ANKRD45: variants seen among roughly 807,000 people sequenced by gnomAD.
ANKRD45 encodes the protein ankyrin repeat domain-containing protein 45.
Under a neutral mutation model 28.1 loss-of-function variants are expected in ANKRD45, and 21 were observed. The observed-to-expected ratio is 0.75, with a 90% CI of 0.53 to 1.08. ANKRD45 has a LOEUF of 1.08. Among genes scored for constraint, ANKRD45 ranks in the 50% least tolerant of loss-of-function variants. The probability of loss-of-function intolerance (pLI) is 0.00; values close to 1 mark genes in which losing one functional copy is unlikely to be tolerated. For missense variants in ANKRD45, 261 were observed against 308.7 expected, an observed-to-expected ratio of 0.85 and a Z score of 1.16; for synonymous variants, 86 against 103.9, an observed-to-expected ratio of 0.83 and a Z score of 1.05.
intron 2 of ANKRD45, among the ~76,000 whole-genome samples, chr1:173,649,149 G>T (rs1318677588): frequency 6.6e-6 from 1 of 152,080 alleles, no homozygotes; most frequent in African/African-American, 2.4e-5. Context: ...TATTTCCAAT[G>T]ATTAACTGTT....
intron 2 of ANKRD45, among the ~76,000 whole-genome samples, chr1:173,653,590 G>C (rs1183361892): frequency 6.6e-6 from 1 of 152,184 alleles, no homozygotes; most frequent in Non-Finnish European, 1.5e-5. Context: ...TCGGGGTGCA[G>C]CATTCTGCAG....
At chr1:173,684,123 G>C in the ANKRD45 span, among the ~76,000 whole-genome samples, 157 of 152,268 alleles carry the variant, frequency 1.0e-3, 2 homozygotes, top group Middle Eastern at 0.014. Context: ...GAATGAGTTA[G>C]GGTGGAGCAG....
intron 5 of ANKRD45, among the ~76,000 whole-genome samples, chr1:173,620,934 A>G (rs1193841596): frequency 6.6e-6 from 1 of 152,186 alleles, no homozygotes; most frequent in African/African-American, 2.4e-5. Flanking sequence ...AAATAAGAAA[A>G]GCAGAAGAAT....
intron 1 of ANKRD45, among the ~76,000 whole-genome samples, chr1:173,667,884 C>T (rs929535463): frequency 1.3e-5 from 2 of 152,194 alleles, no homozygotes; most frequent in Middle Eastern, 3.4e-3. Context: ...GGATAGACTG[C>T]AGAAGCAGAC....
chr1:173,656,914 A>G (rs1455698093), intron 2 of ANKRD45, among the ~76,000 whole-genome samples: 1 of 150,800 alleles, frequency 6.6e-6, no homozygotes, highest in Non-Finnish European at 1.5e-5. Flanking sequence ...AGCCAGATGC[A>G]GTGGCTCATG....
At chr1:173,694,317 C>T in the ANKRD45 span, among the ~76,000 whole-genome samples, 1 of 151,992 alleles carries the variant, frequency 6.6e-6, no homozygotes, top group African/African-American at 2.4e-5. Flanking sequence ...GTGCATGCCA[C>T]GGACACCAAG....
chr1:173,641,743 C>A (rs984079076), intron 3 of ANKRD45, among the ~76,000 whole-genome samples: 6 of 152,140 alleles, frequency 3.9e-5, no homozygotes, highest in Non-Finnish European at 7.4e-5. Flanking sequence ...GTCCTTTGAT[C>A]CTCAGGTTTA....
At chr1:173,638,782 A>T (rs1668574740) in intron 3 of ANKRD45, among the ~76,000 whole-genome samples, 1 of 152,172 alleles carries the variant, frequency 6.6e-6, no homozygotes, top group Non-Finnish European at 1.5e-5. Context: ...CTAGAAAAAG[A>T]TGATTTACCC....
chr1:173,637,038 T>C, intron 3 of ANKRD45: 1 of 1,485,692 alleles, frequency 6.7e-7, no homozygotes. Flanking sequence ...AGATACTAAA[T>C]AAATGCATAT....
upstream of ANKRD45, among the ~76,000 whole-genome samples, chr1:173,670,022 T>C (rs1041091364): frequency 5.3e-5 from 8 of 152,250 alleles, no homozygotes; most frequent in African/African-American, 1.9e-4. Flanking sequence ...TTGTAAATTT[T>C]CTGTAATAAG....
upstream of ANKRD45, among the ~76,000 whole-genome samples, chr1:173,670,655 A>G (rs1184502264): frequency 6.6e-6 from 1 of 152,224 alleles, no homozygotes; most frequent in African/African-American, 2.4e-5. Context: ...GTCAGGCATG[A>G]GCAGAGCAGG....
chr1:173,628,345 C>T (rs960527378), intron 3 of ANKRD45, among the ~76,000 whole-genome samples: 2 of 152,018 alleles, frequency 1.3e-5, no homozygotes, highest in Non-Finnish European at 2.9e-5. Context: ...TCCCTGATTC[C>T]AAGCCTTGGC....
At chr1:173,669,621 G>A (rs1313573557) in intron 1 of ANKRD45, among the ~76,000 whole-genome samples, 196 bp downstream of exon 1, 1 of 152,168 alleles carries the variant, frequency 6.6e-6, no homozygotes, top group African/African-American at 2.4e-5. Flanking sequence ...GACCTTCTGC[G>A]ATCCCTTGCG....
chr1:173,706,351 T>G, the ANKRD45 span, among the ~76,000 whole-genome samples: 2 of 151,860 alleles, frequency 1.3e-5, no homozygotes, highest in Non-Finnish European at 2.9e-5. Flanking sequence ...CTTTTAATTT[T>G]TTTTTGAGAC....
intron 5 of ANKRD45, among the ~76,000 whole-genome samples, chr1:173,619,973 C>T (rs908765378): frequency 6.6e-6 from 1 of 152,086 alleles, no homozygotes; most frequent in Non-Finnish European, 1.5e-5. Flanking sequence ...TAGAAACCTA[C>T]AAAGAGACTT....
chr1:173,641,570 G>A (rs1010143619), intron 3 of ANKRD45, among the ~76,000 whole-genome samples: 17 of 152,162 alleles, frequency 1.1e-4, no homozygotes, highest in Non-Finnish European at 1.9e-4. Flanking sequence ...ATCAGTCCCC[G>A]AGCTGTATGA....
chr1:173,617,838 C>A (rs1667529187), intron 5 of ANKRD45, among the ~76,000 whole-genome samples: 1 of 152,172 alleles, frequency 6.6e-6, no homozygotes. Context: ...GTGAGACCTC[C>A]CAACACGGGT....
intron 3 of ANKRD45, among the ~76,000 whole-genome samples, chr1:173,630,953 G>A (rs1668172743): frequency 6.6e-6 from 1 of 151,534 alleles, no homozygotes; most frequent in Non-Finnish European, 1.5e-5. Context: ...TAGCAAAATG[G>A]CAGGAATAAG....
intron 1 of ANKRD45, among the ~76,000 whole-genome samples, chr1:173,663,173 A>C (rs1185369934): frequency 6.6e-6 from 1 of 152,086 alleles, no homozygotes; most frequent in Non-Finnish European, 1.5e-5. Context: ...AAGACTAAGA[A>C]GCAGGATTCT....
Sources: gnomAD v4.1 joint callset for allele counts (sites outside exome capture counted in the v4.1 genomes callset) on GRCh38, gnomAD v4.1.1 for gene constraint, MANE v1.5 for transcripts, NCBI Gene and HGNC (gene_info 2026-07-23, HGNC 2026-07-21) for gene names.